Variants in LNPEP observed in about 807,000 individuals in gnomAD.
The protein encoded by LNPEP is leucyl-cystinyl aminopeptidase.
In LNPEP, 64 loss-of-function variants were observed where a neutral mutation model predicts 120.6. The ratio of observed to expected loss-of-function variants is 0.53; its 90% CI spans 0.43 to 0.65. LNPEP has a LOEUF of 0.65. Among genes scored for constraint, LNPEP ranks in the 30% least tolerant of loss-of-function variants. The pLI is 0.00. For missense variants in LNPEP, 1,057 were observed against 1,200.0 expected, an observed-to-expected ratio of 0.88 and a Z score of 1.76; for synonymous variants, 435 against 425.4, an observed-to-expected ratio of 1.02 and a Z score of -0.28.
At position 96,979,804 on chromosome 5, in the gene LNPEP, A is replaced by G; in HGVS notation, c.686A>G (p.Glu229Gly). 7 of 1,614,048 alleles carry G rather than the reference A, an allele frequency of 4.3e-6. No homozygotes were observed. Among genetic ancestry groups the G allele is most frequent in the Non-Finnish European group, 4.2e-6 (5 of 1,179,946 alleles). The change falls in exon 2 of 18, where the codon GAA (glutamate) becomes GGA (glycine). Residue 229 changes from glutamate (E) to glycine (G), a missense_variant. Coordinates refer to ENST00000231368, the MANE Select transcript of LNPEP (RefSeq NM_005575.3). Reference sequence around the variant, plus strand: ...TTTATGTCAGCAGTTTCAAGCCAAGAAAAACAAGCTGAGATCCTGGAATAT... The same window carrying G: ...TTTATGTCAGCAGTTTCAAGCCAAGGAAAACAAGCTGAGATCCTGGAATAT... ...VTFMSAVSSQEKQAEILEYAY... is the reference protein window; with the variant it reads ...VTFMSAVSSQGKQAEILEYAY...
chr5:96,950,121 G>A (rs1476635435), intron 1 of LNPEP, among the ~76,000 whole-genome samples: 1 of 152,178 alleles, frequency 6.6e-6, no homozygotes, highest in Admixed American at 6.6e-5. Context: ...AGAAGACAGT[G>A]CTAAATAGGA....
chr5:97,034,001 C>G lies in LNPEP; in HGVS notation c.*5468C>G, dbSNP rs978485909. On this transcript the variant is annotated 3_prime_UTR_variant, in exon 18 of 18. Coordinates refer to ENST00000231368, the MANE Select transcript of LNPEP (RefSeq NM_005575.3). The stretch of plus-strand genomic sequence containing the variant: ...TATCCTTTTTAAAAATGTATATATA[C>G]TTTTCATTAACTATATTGTATTATT... The G allele has an allele frequency of 6.6e-6, 1 of 152,066 alleles. No individual in the cohort carries two copies. Among genetic ancestry groups the G allele is most frequent in the African/African-American group, 2.4e-5 (1 of 41,494 alleles). 9.4% of individuals were successfully genotyped at this position (152,066 alleles called of 1,614,324 possible). A position where few individuals can be genotyped will look rare whatever the true frequency, so the allele number is the denominator to read the frequency against.
chr5:96,968,592 T>C (rs766733378), intron 1 of LNPEP, among the ~76,000 whole-genome samples: 2 of 152,090 alleles, frequency 1.3e-5, no homozygotes, highest in Non-Finnish European at 2.9e-5. Flanking sequence ...GGCGTACTCT[T>C]TTAGGGAGAG....
Position 97,013,734 on chromosome 5 carries a change from G to T in LNPEP, c.2122G>T (p.Asp708Tyr). ...GYYIVHYADD[D>Y]WEALIHQLKI... ...TTATATTGTACACTATGCAGATGAT[G>T]ATTGGGAAGCACTAATCCATCAGTT... The change falls in exon 12 of 18, where the codon GAT (aspartate) becomes TAT (tyrosine). Residue 708 changes from aspartate (D) to tyrosine (Y), a missense_variant. By Grantham distance (160) the Asp-to-Tyr change is radical (BLOSUM62 -3). Transcript: ENST00000231368. 6.2e-7 allele frequency: 1 copy of T among 1,611,086 alleles called. No individual in the cohort carries two copies. Among genetic ancestry groups the T allele is most frequent in the East Asian group, 2.2e-5 (1 of 44,770 alleles).
At chr5:96,989,054 G>A (rs1790310555) in intron 4 of LNPEP, among the ~76,000 whole-genome samples, 1 of 151,808 alleles carries the variant, frequency 6.6e-6, no homozygotes, top group African/African-American at 2.4e-5. Flanking sequence ...AAGAGGAAGA[G>A]ATAGAGAAGT....
intron 11 of LNPEP, among the ~76,000 whole-genome samples, chr5:97,013,009 C>T (rs1213449596): frequency 6.6e-6 from 1 of 152,152 alleles, no homozygotes; most frequent in Non-Finnish European, 1.5e-5. Flanking sequence ...AAATGGGACA[C>T]ATTTTACACA....
chr5:96,957,656 G>A (rs893891610), intron 1 of LNPEP, among the ~76,000 whole-genome samples: 1 of 152,162 alleles, frequency 6.6e-6, no homozygotes, highest in Non-Finnish European at 1.5e-5. Context: ...AATGTAAGCA[G>A]TTTCTAGAAG....
At chr5:96,948,412 C>T (rs1263871955) in intron 1 of LNPEP, among the ~76,000 whole-genome samples, 2 of 152,216 alleles carry the variant, frequency 1.3e-5, no homozygotes, top group African/African-American at 4.8e-5. Context: ...GCCACCACGC[C>T]CAGCCCAGAT....
intron 16 of LNPEP, 71 bp from the exon 17 acceptor site, chr5:97,027,662 C>T (rs1791377752): frequency 6.2e-6 from 6 of 968,490 alleles, no homozygotes; most frequent in Admixed American, 1.8e-5. Flanking sequence ...AAAGACTTTT[C>T]CTTGCACTCA....
At chr5:96,966,039 G>A (rs1345177728) in intron 1 of LNPEP, among the ~76,000 whole-genome samples, 1 of 152,084 alleles carries the variant, frequency 6.6e-6, no homozygotes, top group Non-Finnish European at 1.5e-5. Context: ...CAACTAAAAT[G>A]TTCTCCTGGA....
intron 1 of LNPEP, among the ~76,000 whole-genome samples, chr5:96,954,669 TATATACAC>T (rs1462817180): frequency 9.3e-6 from 1 of 108,042 alleles, no homozygotes; most frequent in Non-Finnish European, 2.0e-5. Context: ...CATATATACA[TATATACAC>T]ATATATACAT....
At chr5:97,000,549 T>C (rs1790625196) in intron 8 of LNPEP, among the ~76,000 whole-genome samples, 1 of 152,146 alleles carries the variant, frequency 6.6e-6, no homozygotes, top group African/African-American at 2.4e-5. Flanking sequence ...AGGCAGAAGG[T>C]ACCTTCGTGA....
At chr5:97,025,080 G>A (rs1020960655) in intron 15 of LNPEP, among the ~76,000 whole-genome samples, 4 of 152,100 alleles carry the variant, frequency 2.6e-5, no homozygotes, top group African/African-American at 4.8e-5. Context: ...TAGGTTCTAC[G>A]TTCATATGAA....
intron 1 of LNPEP, among the ~76,000 whole-genome samples, chr5:96,968,796 C>A (rs1287221788): frequency 6.6e-6 from 1 of 152,032 alleles, no homozygotes; most frequent in Non-Finnish European, 1.5e-5. Flanking sequence ...AGCTGCCATG[C>A]ATGCTTGAGA....
chr5:97,028,693 T>A lies in LNPEP; in HGVS notation c.*160T>A, dbSNP rs1464015743. ...AGGGCCTGACTGTATTTTTCATCCA[T>A]CTTTTCTGAAGTGTCTTTGGGCAGT... On this transcript the variant is annotated 3_prime_UTR_variant, in exon 18 of 18. Transcript: ENST00000231368. 1.5e-6 allele frequency: 1 copy of A among 666,032 alleles called. No homozygotes were observed. Among genetic ancestry groups the A allele is most frequent in the African/African-American group, 1.8e-5 (1 of 55,200 alleles). The allele number at this position is 666,032 out of a possible 1,614,324, so 41.3% of individuals were successfully genotyped here.
At chr5:97,005,592 C>G (rs941689272) in intron 9 of LNPEP, among the ~76,000 whole-genome samples, 118 of 152,260 alleles carry the variant, frequency 7.7e-4, no homozygotes, top group African/African-American at 2.7e-3. Context: ...AAGAGACTAT[C>G]ATTGTGGAGG....
At chr5:97,024,012 G>A (rs945613187) in intron 14 of LNPEP, among the ~76,000 whole-genome samples, 3 of 152,104 alleles carry the variant, frequency 2.0e-5, no homozygotes, top group South Asian at 2.1e-4. Flanking sequence ...GCTCCTTACC[G>A]TGCATTATGG....
intron 1 of LNPEP, among the ~76,000 whole-genome samples, chr5:96,973,350 A>G (rs542317643): frequency 6.6e-6 from 1 of 151,830 alleles, no homozygotes; most frequent in Admixed American, 6.6e-5. Flanking sequence ...AAAAAATAGA[A>G]TTTTTTTTGA....
chr5:96,979,346 G>T lies in LNPEP; in HGVS notation c.228G>T (p.Leu76=). The change falls in exon 2 of 18, where the codon CTG becomes CTT. Residue 76 remains leucine, a synonymous_variant. Transcript: ENST00000231368. ...AGGATTATGAGTCATCAGCAAAGCTGCTGGGCATGTCCTTCATGAATAGAA... is the reference window on the plus strand; with the variant it reads ...AGGATTATGAGTCATCAGCAAAGCTTCTGGGCATGTCCTTCATGAATAGAA... The part of the protein sequence containing the change: ...DEEDYESSAK[L]LGMSFMNRSS... 6.2e-7 allele frequency: 1 copy of T among 1,614,044 alleles called. No individual in the cohort carries two copies. The highest frequency in any genetic ancestry group is 8.5e-7 in the Non-Finnish European group (1 of 1,179,948).
Sources: gnomAD v4.1 joint callset for allele counts (sites outside exome capture counted in the v4.1 genomes callset) on GRCh38, gnomAD v4.1.1 for gene constraint, MANE v1.5 for transcripts, NCBI Gene and HGNC (gene_info 2026-07-23, HGNC 2026-07-21) for gene names.